CHN1: variants seen among roughly 807,000 people sequenced by gnomAD.
CHN1 encodes the protein N-chimaerin.
Under a neutral mutation model 59.5 loss-of-function variants are expected in CHN1, and 37 were observed. The ratio of observed to expected loss-of-function variants is 0.62; its 90% confidence interval spans 0.48 to 0.82. CHN1 has a LOEUF of 0.82. Among genes scored for constraint, CHN1 ranks in the 40% least tolerant of loss-of-function variants. The pLI, the probability that CHN1 is intolerant of heterozygous loss-of-function variation, is 0.00. For missense variants in CHN1, 469 were observed against 571.0 expected (o/e 0.82, Z 1.82); for synonymous variants, 206 against 200.4 (o/e 1.03, Z -0.24).
intron 7 of CHN1, 90 bp downstream of exon 7, chr2:174,846,790 C>T: frequency 8.0e-7 from 1 of 1,246,790 alleles, no homozygotes; most frequent in Non-Finnish European, 1.1e-6. Flanking sequence ...TCAAGTCATC[C>T]TAGTTTTAAA....
At chr2:175,000,034 A>C (rs1691835010) in intron 1 of CHN1, among the ~76,000 whole-genome samples, 1 of 152,150 alleles carries the variant, frequency 6.6e-6, no homozygotes, top group South Asian at 2.1e-4. Context: ...AACAACTATA[A>C]TTATTTTATT....
Position 174,800,008 on chromosome 2 carries a change from T to C in CHN1, c.*108A>G. On this transcript the variant is annotated 3_prime_UTR_variant, in exon 13 of 13. Coordinates refer to ENST00000409900, the MANE Select transcript of CHN1 (RefSeq NM_001822.7). ...AAGTTCCTTCACTTTAATCTGGTTA[T>C]ATGCCCAAACCTCTAATCAAGAAAT... is the stretch of plus-strand genomic sequence containing the variant. 1.9e-6 allele frequency: 2 copies of C among 1,069,078 alleles called. No homozygotes were observed. The highest frequency in any genetic ancestry group is 2.8e-6 in the Non-Finnish European group (2 of 720,140). The allele number at this position is 1,069,078 out of a possible 1,614,324, so 66.2% of individuals were successfully genotyped here.
chr2:174,862,029 C>G (rs1347220562), intron 6 of CHN1, among the ~76,000 whole-genome samples: 1 of 152,078 alleles, frequency 6.6e-6, no homozygotes, highest in Non-Finnish European at 1.5e-5. Flanking sequence ...ATCACTTTTC[C>G]TCCTATGAAC....
chr2:174,880,570 A>ATT (rs1285408255), intron 5 of CHN1, among the ~76,000 whole-genome samples: 1 of 152,232 alleles, frequency 6.6e-6, no homozygotes, highest in Non-Finnish European at 1.5e-5. Flanking sequence ...AAGGTCAAAG[A>ATT]AAGACTCTTT....
At chr2:174,816,028 A>AT (rs1685244172) in intron 8 of CHN1, among the ~76,000 whole-genome samples, 1 of 152,122 alleles carries the variant, frequency 6.6e-6, no homozygotes, top group African/African-American at 2.4e-5. Flanking sequence ...AGGGAGAGGT[A>AT]TTGCAGGTAG....
At chr2:174,865,573 C>T (rs1402554930) in intron 6 of CHN1, among the ~76,000 whole-genome samples, 2 of 152,156 alleles carry the variant, frequency 1.3e-5, no homozygotes, top group Admixed American at 6.5e-5. Context: ...CTTCGCACAG[C>T]TTCTGAAACA....
At chr2:174,946,652 A>G (rs1029823079) in intron 2 of CHN1, among the ~76,000 whole-genome samples, 2 of 152,182 alleles carry the variant, frequency 1.3e-5, no homozygotes, top group Admixed American at 6.5e-5. Flanking sequence ...GGGAAGAAAA[A>G]GCACTAAAGT....
At chr2:174,967,492 G>A (rs773092731) in intron 1 of CHN1, among the ~76,000 whole-genome samples, 1 of 151,894 alleles carries the variant, frequency 6.6e-6, no homozygotes, top group Non-Finnish European at 1.5e-5. Flanking sequence ...TCCAATGTTC[G>A]TGTTCCAATG....
chr2:174,876,080 T>C (rs898021081), intron 6 of CHN1, among the ~76,000 whole-genome samples: 1 of 152,210 alleles, frequency 6.6e-6, no homozygotes, highest in African/African-American at 2.4e-5. Context: ...AGAAAGTTGC[T>C]AGAATACACA....
chr2:174,830,485 G>C (rs2105410353), intron 7 of CHN1, among the ~76,000 whole-genome samples: 1 of 152,222 alleles, frequency 6.6e-6, no homozygotes, highest in Non-Finnish European at 1.5e-5. Flanking sequence ...TATAACTCTG[G>C]AGTAATAATG....
intron 3 of CHN1, chr2:174,921,143 C>A (rs1689006079): frequency 3.1e-6 from 1 of 319,168 alleles, no homozygotes; most frequent in South Asian, 2.7e-5. Context: ...TGCTGTGCAG[C>A]CTGGTTCCTA....
intron 1 of CHN1, among the ~76,000 whole-genome samples, chr2:175,003,260 G>T (rs1691947088): frequency 6.6e-6 from 1 of 152,198 alleles, no homozygotes; most frequent in South Asian, 2.1e-4. Context: ...TTTGGGAAGT[G>T]AATTCTATTT....
intron 5 of CHN1, among the ~76,000 whole-genome samples, chr2:174,898,677 T>C (rs1196474649): frequency 6.6e-6 from 1 of 152,176 alleles, no homozygotes; most frequent in Non-Finnish European, 1.5e-5. Context: ...CATTCCCTAC[T>C]GCAAAGATAG....
At chr2:174,934,126 C>T (rs968186722) in intron 3 of CHN1, among the ~76,000 whole-genome samples, 3 of 152,170 alleles carry the variant, frequency 2.0e-5, no homozygotes, top group Non-Finnish European at 4.4e-5. Context: ...ACGCACATTA[C>T]ATTTAGTGTG....
chr2:174,939,066 CT>C (rs1323120954), intron 3 of CHN1, among the ~76,000 whole-genome samples: 14 of 152,078 alleles, frequency 9.2e-5, no homozygotes, highest in Non-Finnish European at 1.8e-4. Context: ...GCTTTCATGC[CT>C]GCTTTTAACC....
chr2:174,984,421 T>C (rs1691269792), intron 1 of CHN1, among the ~76,000 whole-genome samples: 1 of 146,784 alleles, frequency 6.8e-6, no homozygotes, highest in Admixed American at 7.1e-5. Context: ...CAGGCTAGAG[T>C]GCAGTGGCGC....
intron 1 of CHN1, among the ~76,000 whole-genome samples, chr2:174,953,452 A>C (rs1301863121): frequency 6.6e-6 from 1 of 152,190 alleles, no homozygotes; most frequent in Non-Finnish European, 1.5e-5. Flanking sequence ...CAAGAGAAAG[A>C]AATAATGGGC....
chr2:174,884,702 T>A (rs1266699457), intron 5 of CHN1, among the ~76,000 whole-genome samples: 2 of 152,134 alleles, frequency 1.3e-5, no homozygotes, highest in Non-Finnish European at 2.9e-5. Flanking sequence ...ACATTAAGTA[T>A]CCAGTAAAAC....
rs572929222 is a variant in CHN1 at position 174,922,012 on chromosome 2, C to G, written c.115-3447G>C. Among the ~76,000 whole-genome samples the G allele has an allele frequency of 2.6e-5, 4 of 152,168 alleles. 1 individual carries two copies. The highest frequency in any genetic ancestry group is 9.6e-5 in the African/African-American group (4 of 41,514). ...TGTAGTCAGGTTATTTATTATCTTC[C>G]CGAGGTAAGTTCCACCTGATTTGGC... On this transcript the variant is annotated intron_variant, in intron 3 of 12. Transcript: ENST00000409900.
Sources: allele counts gnomAD v4.1 joint callset (sites outside exome capture counted in the v4.1 genomes callset), GRCh38; gene constraint gnomAD v4.1.1; transcripts MANE v1.5; gene names NCBI Gene and HGNC (gene_info 2026-07-23, HGNC 2026-07-21).